Variants in TLN2 observed in about 807,000 individuals in gnomAD.
TLN2 encodes the protein talin 2, also known as talin-2.
Under a neutral mutation model 294.7 loss-of-function variants are expected in TLN2, and 118 were observed. That is an observed-to-expected ratio of 0.40 (90% confidence interval 0.34 to 0.47). The LOEUF (loss-of-function observed/expected upper bound fraction) is 0.47, where lower values mean the gene tolerates loss of function less well. TLN2 is among the 20% of genes least tolerant of loss of function. The pLI is 0.84. For synonymous variants in TLN2, 1,431 were observed against 1,304.5 expected (o/e 1.10, Z -2.09); for missense variants, 3,083 against 3,282.2 (o/e 0.94, Z 1.48).
intron 9 of TLN2, among the ~76,000 whole-genome samples, chr15:62,663,860 A>G (rs1027022128): frequency 1.3e-5 from 2 of 152,154 alleles, no homozygotes; most frequent in Admixed American, 1.3e-4. Context: ...AAACTTACAG[A>G]TTCAGTTCAA....
chr15:62,404,006 CTCGACAAAAAATTCTTAA>C (rs2033218776), intron 1 of TLN2, among the ~76,000 whole-genome samples: 1 of 152,110 alleles, frequency 6.6e-6, no homozygotes, highest in African/African-American at 2.4e-5. Flanking sequence ...ATGATAGGTA[CTCGACAAAAAATTCTTAA>C]TGATTGATGA....
intron 1 of TLN2, among the ~76,000 whole-genome samples, chr15:62,406,022 G>A (rs2033376169): frequency 6.6e-6 from 1 of 152,162 alleles, no homozygotes; most frequent in Non-Finnish European, 1.5e-5. Flanking sequence ...TAAGCCCTGG[G>A]GAATCCGAGA....
At chr15:62,836,979 C>CATGATATTACATCAACTGA (rs1452708280) in intron 57 of TLN2, among the ~76,000 whole-genome samples, 2 of 144,360 alleles carry the variant, frequency 1.4e-5, no homozygotes, top group Admixed American at 1.4e-4. Context: ...TTAATGATTG[C>CATGATATTACATCAACTGA]ATGATATTAC....
intron 1 of TLN2, among the ~76,000 whole-genome samples, chr15:62,466,525 C>G (rs941561769): frequency 6.6e-6 from 1 of 152,220 alleles, no homozygotes. Flanking sequence ...GCCAAATGTT[C>G]CCTGTGGGGT....
intron 1 of TLN2, among the ~76,000 whole-genome samples, chr15:62,564,178 C>T (rs933441999): frequency 5.9e-5 from 9 of 152,198 alleles, no homozygotes; most frequent in African/African-American, 2.2e-4. Flanking sequence ...GGAATGGAGA[C>T]TCAGAATCCT....
intron 54 of TLN2, chr15:62,832,916 T>G (rs1356869308): frequency 6.6e-6 from 1 of 152,184 alleles, no homozygotes; most frequent in Non-Finnish European, 1.5e-5. Flanking sequence ...GTTTTGATTT[T>G]ATTATTTTGG....
intron 1 of TLN2, among the ~76,000 whole-genome samples, chr15:62,550,349 G>A (rs1390171509): frequency 1.3e-5 from 2 of 152,120 alleles, no homozygotes; most frequent in East Asian, 3.9e-4. Flanking sequence ...AACTCATGCA[G>A]CCGAAAATTC....
chr15:62,459,684 A>G (rs543108652), intron 1 of TLN2, among the ~76,000 whole-genome samples: 12 of 152,134 alleles, frequency 7.9e-5, no homozygotes, highest in Non-Finnish European at 1.0e-4. Context: ...TTTGCTTGCT[A>G]ACTTTGAGTT....
rs140103129 is a variant in TLN2 at position 62,740,034 on chromosome 15, A to G, written c.3885+489A>G. ...TGACTGATCTGGTGTCAGCTTGCAG[A>G]GCTGTGTTTTTTGTTTTTTTTTTTT... On this transcript the variant is annotated intron_variant, in intron 31 of 58. Coordinates refer to ENST00000636159, the MANE Select transcript of TLN2 (RefSeq NM_015059.3). Among the ~76,000 whole-genome samples, 182 of 147,830 alleles carry G rather than the reference A, an allele frequency of 1.2e-3. 1 individual carries two copies. In the East Asian group the frequency reaches 0.017, roughly 14 times the overall value.
intron 32 of TLN2, among the ~76,000 whole-genome samples, chr15:62,743,807 G>A (rs2061467077): frequency 6.6e-6 from 1 of 152,164 alleles, no homozygotes; most frequent in African/African-American, 2.4e-5. Flanking sequence ...CCAGAACTGA[G>A]AAGGCTTTAA....
At chr15:62,422,141 T>G (rs2140273439) in intron 1 of TLN2, among the ~76,000 whole-genome samples, 1 of 147,222 alleles carries the variant, frequency 6.8e-6, no homozygotes, top group Non-Finnish European at 1.5e-5. Flanking sequence ...ATGTCTGTAA[T>G]CTCTGCTACT....
chr15:62,654,474 T>C (rs1174736944), intron 7 of TLN2, among the ~76,000 whole-genome samples: 1 of 152,130 alleles, frequency 6.6e-6, no homozygotes, highest in Non-Finnish European at 1.5e-5. Context: ...TAATAGTTGG[T>C]TGCACGTGGT....
chr15:62,827,017 C>T (rs1381929636), intron 54 of TLN2, among the ~76,000 whole-genome samples: 1 of 152,108 alleles, frequency 6.6e-6, no homozygotes, highest in Non-Finnish European at 1.5e-5. Context: ...TTTGTGGAGC[C>T]AGTTGTGAGA....
chr15:62,447,408 G>A (rs1312131152), intron 1 of TLN2, among the ~76,000 whole-genome samples: 5 of 152,056 alleles, frequency 3.3e-5, no homozygotes, highest in African/African-American at 7.2e-5. Context: ...CAAGTGAATG[G>A]AATGGAGTGG....
chr15:62,438,550 C>T lies in TLN2; in HGVS notation c.-238+47865C>T, dbSNP rs148910298. ...CAGCATTTATTTATCCCATACAGTTCGGTGCATAATCAGTCAGCCCATGTT... is the reference window on the plus strand; with the variant it reads ...CAGCATTTATTTATCCCATACAGTTTGGTGCATAATCAGTCAGCCCATGTT... On this transcript the variant is annotated intron_variant, in intron 1 of 58. Transcript: ENST00000636159. 2.4e-4 allele frequency among the ~76,000 whole-genome samples: 36 copies of T among 152,236 alleles called. 2 individuals carry two copies. Among genetic ancestry groups the T allele is most frequent in the African/African-American group, 8.2e-4 (34 of 41,554 alleles).
Position 62,590,190 on chromosome 15 carries a change from A to G in TLN2, c.-162+428A>G, listed in dbSNP as rs563294273. Among the ~76,000 whole-genome samples the G allele has an allele frequency of 2.0e-5, 3 of 152,174 alleles. No homozygotes were observed. The East Asian group carries it at 5.8e-4, about 29-fold the overall frequency. ...AATTTTTATTTTAAGTTCAGGGTAC[A>G]TGGGCAGGTTTGTTTCGTAGGTAAA... On this transcript the variant is annotated intron_variant, in intron 2 of 58. Transcript: ENST00000636159.
intron 20 of TLN2, among the ~76,000 whole-genome samples, chr15:62,707,731 A>G (rs1353519758): frequency 6.6e-6 from 1 of 152,190 alleles, no homozygotes; most frequent in Non-Finnish European, 1.5e-5. Context: ...CAAATTAAGC[A>G]CCATTATCTC....
chr15:62,574,579 C>CA lies in TLN2; in HGVS notation c.-237-15068dup, dbSNP rs56279063. On this transcript the variant is annotated intron_variant, in intron 1 of 58. Transcript: ENST00000636159. ...TGGGCAACAGGATGAGACCCTGTCT[C>CA]AAAAAAAAAAAAAAAAAAAAAAAAA... is the stretch of plus-strand genomic sequence containing the variant. 3.9e-3 allele frequency among the ~76,000 whole-genome samples: 182 copies of CA among 46,486 alleles called. 35 individuals carry two copies. The highest frequency in any genetic ancestry group is 8.1e-3 in the East Asian group (9 of 1,114). 30.5% of individuals were successfully genotyped at this position (46,486 alleles called of 152,430 possible).
intron 2 of TLN2, among the ~76,000 whole-genome samples, chr15:62,590,272 G>A (rs560874034): frequency 6.6e-6 from 1 of 152,174 alleles, no homozygotes; most frequent in East Asian, 1.9e-4. Context: ...TAAGTCTAGT[G>A]TCCATTAGTT....
Sources: allele counts gnomAD v4.1 joint callset (sites outside exome capture counted in the v4.1 genomes callset), GRCh38; gene constraint gnomAD v4.1.1; transcripts MANE v1.5; gene names NCBI Gene and HGNC (gene_info 2026-07-23, HGNC 2026-07-21).